HTR1F: variants seen among roughly 807,000 people sequenced by gnomAD.
HTR1F encodes 5-hydroxytryptamine (serotonin) receptor 1F, G protein-coupled.
A neutral mutation model predicts 24.0 loss-of-function variants in HTR1F; 17 were observed. The ratio of observed to expected loss-of-function variants is 0.71; its 90% CI spans 0.48 to 1.06. The LOEUF is 1.06. Among genes scored for constraint, HTR1F ranks in the 50% least tolerant of loss-of-function variants. The probability of loss-of-function intolerance (pLI) is 0.00; values close to 1 mark genes in which losing one functional copy is unlikely to be tolerated. For synonymous variants in HTR1F, 186 were observed against 156.8 expected (o/e 1.19, Z -1.39); for missense variants, 391 against 427.8 (o/e 0.91, Z 0.76).
Position 87,972,365 on chromosome 3 carries a change from A to G in HTR1F, c.-42-18343A>G, listed in dbSNP as rs142469989. On this transcript the variant is annotated intron_variant, in intron 2 of 2. Coordinates refer to ENST00000319595, the MANE Select transcript of HTR1F (RefSeq NM_001322209.2). ...ATTTCTAAATTTGAAGTGTTTTATT[A>G]GTAACCAAATCTTTTAAATGAGTAC... Among the ~76,000 whole-genome samples the G allele has an allele frequency of 2.9e-3, 443 of 152,336 alleles. 3 individuals carry two copies. Among genetic ancestry groups the G allele is most frequent in the African/African-American group, 0.01 (427 of 41,570 alleles).
At chr3:87,903,316 A>T (rs1231923720) in intron 2 of HTR1F, among the ~76,000 whole-genome samples, 1 of 150,078 alleles carries the variant, frequency 6.7e-6, no homozygotes, top group Admixed American at 6.6e-5. Context: ...AGCAAAAGAA[A>T]CTACCATCAG....
At chr3:87,839,095 G>A (rs1575928376) in intron 2 of HTR1F, among the ~76,000 whole-genome samples, 1 of 144,108 alleles carries the variant, frequency 6.9e-6, no homozygotes, top group African/African-American at 2.5e-5. Flanking sequence ...CTTGTGCTTT[G>A]ATTGCTTGTG....
chr3:87,853,763 G>C (rs1036565778), intron 2 of HTR1F, among the ~76,000 whole-genome samples: 55 of 152,026 alleles, frequency 3.6e-4, no homozygotes, highest in African/African-American at 1.3e-3. Flanking sequence ...TTTCTGACTG[G>C]TGTGAGATGG....
intron 2 of HTR1F, among the ~76,000 whole-genome samples, chr3:87,907,493 A>G (rs1471711611): frequency 1.3e-5 from 2 of 151,972 alleles, no homozygotes; most frequent in Non-Finnish European, 2.9e-5. Context: ...TTCATAATTA[A>G]AAAATAAAAA....
intron 1 of HTR1F, among the ~76,000 whole-genome samples, chr3:87,811,547 TA>T (rs2107098357): frequency 6.6e-6 from 1 of 152,310 alleles, no homozygotes; most frequent in Admixed American, 6.5e-5. Flanking sequence ...ATGTTAAAAT[TA>T]TGGAAAGATG....
At chr3:87,849,257 G>A (rs1416556018) in intron 2 of HTR1F, among the ~76,000 whole-genome samples, 1 of 151,792 alleles carries the variant, frequency 6.6e-6, no homozygotes, top group Non-Finnish European at 1.5e-5. Flanking sequence ...TACCAAAACA[G>A]AGATATAGAT....
intron 1 of HTR1F, among the ~76,000 whole-genome samples, chr3:87,797,771 C>T (rs1703928977): frequency 6.6e-6 from 1 of 152,146 alleles, no homozygotes; most frequent in Non-Finnish European, 1.5e-5. Context: ...TTAAAAGTAG[C>T]TGGAGTGGGC....
At chr3:87,806,402 A>ATTTTTTGTCTTTTTTTTTTT (rs1470859990) in intron 1 of HTR1F, among the ~76,000 whole-genome samples, 2 of 151,886 alleles carry the variant, frequency 1.3e-5, no homozygotes, top group Non-Finnish European at 2.9e-5. Flanking sequence ...AGCATCTGTA[A>ATTTTTTGTCTTTTTTTTTTT]TTTTTTGTCT....
intron 1 of HTR1F, among the ~76,000 whole-genome samples, chr3:87,813,308 AC>A (rs1331942882): frequency 6.6e-6 from 1 of 152,158 alleles, no homozygotes; most frequent in Non-Finnish European, 1.5e-5. Context: ...AGATTTAATG[AC>A]TGCCCTACTG....
At chr3:87,821,408 T>C (rs977169579) in intron 1 of HTR1F, among the ~76,000 whole-genome samples, 2 of 152,188 alleles carry the variant, frequency 1.3e-5, no homozygotes, top group Non-Finnish European at 2.9e-5. Flanking sequence ...ATCTTATACA[T>C]CCAGTCTTCA....
At chr3:87,936,906 C>A (rs768542335) in intron 2 of HTR1F, among the ~76,000 whole-genome samples, 1 of 151,946 alleles carries the variant, frequency 6.6e-6, no homozygotes, top group Non-Finnish European at 1.5e-5. Flanking sequence ...AGACTCTACA[C>A]CATCTCAAGA....
intron 2 of HTR1F, among the ~76,000 whole-genome samples, chr3:87,912,277 C>T (rs1223464134): frequency 1.3e-5 from 2 of 151,164 alleles, no homozygotes; most frequent in African/African-American, 4.8e-5. Context: ...AAACCAACGA[C>T]AGCCAAGACG....
chr3:87,832,320 TTTTTTTTTTTTTTTTC>T (rs1270694737), intron 2 of HTR1F, among the ~76,000 whole-genome samples: 2 of 149,696 alleles, frequency 1.3e-5, no homozygotes, highest in African/African-American at 4.9e-5. Context: ...TCCCTTCTTT[TTTTTTTTTTTTTTTTC>T]TTTTTTTTTG....
chr3:87,902,664 T>G (rs1486064379), intron 2 of HTR1F, among the ~76,000 whole-genome samples: 1 of 151,672 alleles, frequency 6.6e-6, no homozygotes, highest in Non-Finnish European at 1.5e-5. Context: ...TAGTTACATA[T>G]GTATACATGT....
In HTR1F at chr3:87,798,969, A is replaced by C. The variant is rs1376110524; in HGVS notation, c.-160+6127A>C. 3.3e-5 allele frequency among the ~76,000 whole-genome samples: 5 copies of C among 152,076 alleles called. No homozygotes were observed. In the East Asian group the frequency reaches 9.6e-4, roughly 29 times the overall value. On this transcript the variant is annotated intron_variant, in intron 1 of 2. Transcript: ENST00000319595. ...TCTCTTGTTCATTCACTTCCATTTT[A>C]TGTTTTGGTCAAAGATCCTTTTGAG...
chr3:87,970,618 T>C (rs1478946743), intron 2 of HTR1F, among the ~76,000 whole-genome samples: 2 of 152,330 alleles, frequency 1.3e-5, no homozygotes, highest in East Asian at 1.9e-4. Flanking sequence ...ATTTCTGTGA[T>C]CAATTGGAAA....
intron 2 of HTR1F, among the ~76,000 whole-genome samples, chr3:87,920,883 T>A (rs1323827492): frequency 6.6e-6 from 1 of 152,042 alleles, no homozygotes; most frequent in African/African-American, 2.4e-5. Flanking sequence ...AATAAAAGTT[T>A]TTTTAAAAAA....
intron 2 of HTR1F, among the ~76,000 whole-genome samples, chr3:87,885,495 A>G (rs1705915311): frequency 6.6e-6 from 1 of 152,224 alleles, no homozygotes; most frequent in Non-Finnish European, 1.5e-5. Context: ...CTAAGATCAG[A>G]GCAGAACTGA....
intron 2 of HTR1F, among the ~76,000 whole-genome samples, chr3:87,873,095 T>TAC (rs61407734): frequency 0.042 from 5,737 of 135,048 alleles, 135 homozygotes; most frequent in South Asian, 0.094. Context: ...CATGCATACA[T>TAC]ACACACACAC....
Sources: gnomAD v4.1 joint callset for allele counts (sites outside exome capture counted in the v4.1 genomes callset) on GRCh38, gnomAD v4.1.1 for gene constraint, MANE v1.5 for transcripts, NCBI Gene and HGNC (gene_info 2026-07-23, HGNC 2026-07-21) for gene names.